ACTN2: variants seen among roughly 807,000 people sequenced by gnomAD.
The protein encoded by ACTN2 is alpha-actinin-2.
A neutral mutation model predicts 113.8 loss-of-function variants in ACTN2; 39 were observed. The ratio of observed to expected loss-of-function variants is 0.34; its 90% CI spans 0.27 to 0.45. The LOEUF (loss-of-function observed/expected upper bound fraction) is 0.45. Among genes scored for constraint, ACTN2 ranks in the 20% least tolerant of loss-of-function variants. The pLI is 1.00. For synonymous variants in ACTN2, 429 were observed against 444.1 expected (o/e 0.97, Z 0.43); for missense variants, 992 against 1,177.9 (o/e 0.84, Z 2.31).
In ACTN2 at chr1:236,763,129, T is replaced by C. The variant is rs1398935331; in HGVS notation, c.*510T>C. On this transcript the variant is annotated 3_prime_UTR_variant, in exon 21 of 21. Transcript: ENST00000366578. The stretch of plus-strand genomic sequence containing the variant: ...TTCATGCTTATCCAAAGATTACTAT[T>C]GTATCTTCAAATGAATTTAATATTG... The C allele has an allele frequency of 5.9e-6, 1 of 170,656 alleles. No homozygotes were observed. The highest frequency in any genetic ancestry group is 1.3e-5 in the Non-Finnish European group (1 of 78,370). 10.6% of individuals were successfully genotyped at this position (170,656 alleles called of 1,614,324 possible).
chr1:236,709,218 C>CTGTGTGTGTGTG (rs200979652), intron 1 of ACTN2, among the ~76,000 whole-genome samples: 7 of 57,286 alleles, frequency 1.2e-4, no homozygotes, highest in Non-Finnish European at 2.3e-4. Context: ...TGACAAATGA[C>CTGTGTGTGTGTG]TGTATATATA....
At chr1:236,722,865 G>A (rs982078569) in intron 4 of ACTN2, among the ~76,000 whole-genome samples, 2 of 152,040 alleles carry the variant, frequency 1.3e-5, no homozygotes, top group African/African-American at 2.4e-5. Flanking sequence ...TACACCTTTC[G>A]GGAGTAGGTT....
At chr1:236,761,293 G>A in intron 20 of ACTN2, 120 bp downstream of exon 20, 1 of 1,216,732 alleles carries the variant, frequency 8.2e-7, no homozygotes, top group Non-Finnish European at 1.2e-6. Context: ...TACAACATTG[G>A]CACTGATTTC....
intron 15 of ACTN2, among the ~76,000 whole-genome samples, chr1:236,752,210 ATTTCT>A (rs1659416254): frequency 6.6e-6 from 1 of 152,170 alleles, no homozygotes; most frequent in African/African-American, 2.4e-5. Flanking sequence ...AGATTGGGAC[ATTTCT>A]TTTCATGGTT....
At chr1:236,759,008 T>C (rs1403841960) in intron 18 of ACTN2, among the ~76,000 whole-genome samples, 4 of 152,208 alleles carry the variant, frequency 2.6e-5, no homozygotes, top group Non-Finnish European at 5.9e-5. Flanking sequence ...CATCAGTCGT[T>C]CCTAAAATGC....
rs12043223 is a variant in ACTN2 at position 236,744,675 on chromosome 1, A to G, written c.1305A>G (p.Thr435=). ...LQKDYESASL[T]EVRALLRKHE... ...AGGATTACGAGTCGGCGTCGCTGAC[A>G]GAGGTGCGGGCTCTGCTGCGGAAGC... The change falls in exon 12 of 21, where the codon ACA becomes ACG. Residue 435 remains threonine (T), a synonymous_variant. Coordinates refer to ENST00000366578, the MANE Select transcript of ACTN2 (RefSeq NM_001103.4). 9.3e-6 allele frequency: 15 copies of G among 1,614,220 alleles called. No individual in the cohort carries two copies. Among genetic ancestry groups the G allele is most frequent in the East Asian group, 4.5e-5 (2 of 44,868 alleles).
At chr1:236,757,704 T>C in intron 18 of ACTN2, 72 bp downstream of exon 18, 1 of 1,579,536 alleles carries the variant, frequency 6.3e-7, no homozygotes, top group African/African-American at 1.3e-5. Context: ...ATATGCATGC[T>C]CTCGTTTTAA....
At chr1:236,744,553 T>G in intron 11 of ACTN2, 73 bp from the exon 12 acceptor site, 3 of 1,566,674 alleles carry the variant, frequency 1.9e-6, no homozygotes, top group Non-Finnish European at 2.6e-6. Flanking sequence ...CACCGCTCCC[T>G]GAGAATGTGG....
At chr1:236,739,236 T>G in intron 9 of ACTN2, 66 bp from the exon 10 acceptor site, 1 of 1,517,204 alleles carries the variant, frequency 6.6e-7, no homozygotes, top group Non-Finnish European at 9.1e-7. Context: ...TGCCTCATTT[T>G]TTTTTTTTAA....
At chr1:236,733,849 T>C (rs1433094897) in intron 7 of ACTN2, among the ~76,000 whole-genome samples, 3 of 152,190 alleles carry the variant, frequency 2.0e-5, no homozygotes. Context: ...TGAACCCAAG[T>C]GGGGATTTTC....
intron 1 of ACTN2, among the ~76,000 whole-genome samples, chr1:236,710,711 A>G (rs1264875520): frequency 6.6e-6 from 1 of 152,308 alleles, no homozygotes; most frequent in East Asian, 1.9e-4. Flanking sequence ...GCTGCTCCCC[A>G]TTGCCCGAAT....
intron 10 of ACTN2, among the ~76,000 whole-genome samples, chr1:236,740,263 G>C (rs929904699): frequency 6.6e-6 from 1 of 151,868 alleles, no homozygotes; most frequent in Non-Finnish European, 1.5e-5. Flanking sequence ...ACAGGTGCCC[G>C]CCACCACGCC....
At chr1:236,742,865 AT>A (rs1408738212) in intron 10 of ACTN2, 30 bp from the exon 11 acceptor site, 1 of 1,614,104 alleles carries the variant, frequency 6.2e-7, no homozygotes, top group South Asian at 1.1e-5. Context: ...CTTGTTACAC[AT>A]TTGCTTCCCT....
chr1:236,747,374 G>C (rs1352275418), intron 12 of ACTN2, among the ~76,000 whole-genome samples: 3 of 152,054 alleles, frequency 2.0e-5, no homozygotes, highest in Admixed American at 6.5e-5. Context: ...GTGGGGTGGG[G>C]CACAAGTGCA....
chr1:236,745,631 C>T (rs982683797), intron 12 of ACTN2, among the ~76,000 whole-genome samples: 14 of 152,102 alleles, frequency 9.2e-5, no homozygotes, highest in African/African-American at 2.9e-4. Context: ...TCTCAGTTCC[C>T]GCTCTGTGTA....
rs760200859 is a variant in ACTN2 at position 236,744,827 on chromosome 1, G to A, written c.1406+51G>A. ...CCGGGAGCCCCTGGGATTCCACAGA[G>A]AGGGGAGAGAAAGGCCTGCCTTGCC... On this transcript the variant is annotated intron_variant, in intron 12 of 20. Transcript: ENST00000366578. 5 of 1,612,680 alleles carry A rather than the reference G, an allele frequency of 3.1e-6. No homozygotes were observed. The East Asian group carries it at 8.9e-5, about 29-fold the overall frequency.
chr1:236,725,505 T>C (rs1303241362), intron 4 of ACTN2, among the ~76,000 whole-genome samples: 1 of 151,916 alleles, frequency 6.6e-6, no homozygotes, highest in Non-Finnish European at 1.5e-5. Context: ...GTGGCACCTG[T>C]AGTCCCAGCT....
At chr1:236,728,643 A>T (rs1314583408) in intron 6 of ACTN2, among the ~76,000 whole-genome samples, 3 of 151,980 alleles carry the variant, frequency 2.0e-5, no homozygotes, top group Non-Finnish European at 2.9e-5. Flanking sequence ...GCTTTTTTTC[A>T]GAAAATTTAA....
At chr1:236,725,892 G>T in intron 4 of ACTN2, 41 bp from the exon 5 acceptor site, 21 of 1,577,028 alleles carry the variant, frequency 1.3e-5, no homozygotes, top group Non-Finnish European at 1.8e-5. Context: ...TGAACTAAGC[G>T]GCATTTCCCT....
Sources: allele counts gnomAD v4.1 joint callset (sites outside exome capture counted in the v4.1 genomes callset), GRCh38; gene constraint gnomAD v4.1.1; transcripts MANE v1.5; gene names NCBI Gene and HGNC (gene_info 2026-07-23, HGNC 2026-07-21).